Variants in PALM2AKAP2 observed in about 807,000 individuals in gnomAD.
PALM2AKAP2 encodes PALM2 and AKAP2 fusion.
PALM2AKAP2 carries 37 observed loss-of-function variants against 71.5 expected under a neutral mutation model. That is an observed-to-expected ratio of 0.52 (90% confidence interval 0.40 to 0.68). The LOEUF is 0.68. PALM2AKAP2 is among the 30% of genes least tolerant of loss of function. The pLI, the probability that PALM2AKAP2 is intolerant of heterozygous loss-of-function variation, is 0.00. For missense variants in PALM2AKAP2, 1,224 were observed against 1,191.8 expected, an observed-to-expected ratio of 1.03 and a Z score of -0.40; for synonymous variants, 468 against 478.8, an observed-to-expected ratio of 0.98 and a Z score of 0.29.
intron 1 of PALM2AKAP2, among the ~76,000 whole-genome samples, chr9:109,794,920 G>A (rs917632221): frequency 6.6e-6 from 1 of 152,208 alleles, no homozygotes; most frequent in Non-Finnish European, 1.5e-5. Flanking sequence ...CAGGGTTGTG[G>A]ACACTCACAA....
chr9:109,948,267 A>C (rs1260740739), intron 6 of PALM2AKAP2, among the ~76,000 whole-genome samples: 1 of 152,250 alleles, frequency 6.6e-6, no homozygotes, highest in Non-Finnish European at 1.5e-5. Flanking sequence ...AAGGTATAGA[A>C]TAAAGACTAC....
intron 1 of PALM2AKAP2, among the ~76,000 whole-genome samples, chr9:109,789,703 C>T (rs1234054145): frequency 1.3e-5 from 2 of 152,156 alleles, no homozygotes. Context: ...GGAAAGGTTG[C>T]TCATAAGTGC....
chr9:109,943,081 A>G (rs371960405), intron 6 of PALM2AKAP2: 280 of 1,614,148 alleles, frequency 1.7e-4, no homozygotes, highest in Non-Finnish European at 2.3e-4. Flanking sequence ...CCAAGCCCCC[A>G]GCGCTGCAGG....
chr9:110,079,269 G>A (rs1385827369), intron 1 of PALM2AKAP2, among the ~76,000 whole-genome samples: 1 of 152,102 alleles, frequency 6.6e-6, no homozygotes. Context: ...GCCGAGGTGG[G>A]TAGATCACCT....
chr9:109,768,006 T>TGGAGAAA (rs1441815974), intron 1 of PALM2AKAP2, among the ~76,000 whole-genome samples: 1 of 101,044 alleles, frequency 9.9e-6, no homozygotes, highest in Admixed American at 1.1e-4. Context: ...CAAAGGCAGG[T>TGGAGAAA]AGGTAGGAAG....
chr9:109,916,900 G>A lies in PALM2AKAP2; in HGVS notation c.258-6835G>A, dbSNP rs532923526. On this transcript the variant is annotated intron_variant, in intron 3 of 9. Transcript: ENST00000302798. ...TATAGCATCATATCCCTTGCAGTAGGTAGAATAATGGACCCCCAGAGATGT... is the reference window on the plus strand; with the variant it reads ...TATAGCATCATATCCCTTGCAGTAGATAGAATAATGGACCCCCAGAGATGT... Among the ~76,000 whole-genome samples the A allele has an allele frequency of 4.6e-5, 7 of 152,322 alleles. No homozygotes were observed. The South Asian group carries it at 1.5e-3, about 32-fold the overall frequency.
chr9:110,163,662 T>G (rs1030329990), intron 3 of PALM2AKAP2, among the ~76,000 whole-genome samples: 1 of 152,228 alleles, frequency 6.6e-6, no homozygotes, highest in African/African-American at 2.4e-5. Flanking sequence ...GCTCCTGACT[T>G]TGTTCTGTCT....
intron 3 of PALM2AKAP2, among the ~76,000 whole-genome samples, chr9:109,913,803 C>T (rs1422476042): frequency 1.4e-5 from 2 of 140,034 alleles, no homozygotes; most frequent in African/African-American, 5.4e-5. Context: ...GTTGCCCAGG[C>T]TGGAGTGCAG....
chr9:110,127,870 A>T (rs1835649056), intron 1 of PALM2AKAP2: 1 of 152,180 alleles, frequency 6.6e-6, no homozygotes, highest in South Asian at 2.1e-4. Flanking sequence ...CGTTCTTCTT[A>T]TGGGAACTGG....
chr9:110,136,582 C>G (rs754148726), exon 2 of PALM2AKAP2: 1 of 1,613,588 alleles, frequency 6.2e-7, no homozygotes, highest in Non-Finnish European at 8.5e-7. Context: ...CTCCTCACAT[C>G]GAGCTCAGTA....
At chr9:109,660,876 G>C (rs1827383002) in intron 1 of PALM2AKAP2, among the ~76,000 whole-genome samples, 1 of 152,126 alleles carries the variant, frequency 6.6e-6, no homozygotes, top group African/African-American at 2.4e-5. Flanking sequence ...GCATGAGATG[G>C]TATCTCATTG....
chr9:109,951,544 G>A (rs1175154034), intron 6 of PALM2AKAP2, among the ~76,000 whole-genome samples: 3 of 152,138 alleles, frequency 2.0e-5, no homozygotes, highest in African/African-American at 4.8e-5. Context: ...AGGCCAGACC[G>A]TGTTGGGAGC....
At chr9:109,689,504 A>T (rs1220264619) in intron 1 of PALM2AKAP2, among the ~76,000 whole-genome samples, 1 of 152,092 alleles carries the variant, frequency 6.6e-6, no homozygotes, top group Non-Finnish European at 1.5e-5. Flanking sequence ...CTGGCCAAAA[A>T]CAATACCTTC....
intron 1 of PALM2AKAP2, among the ~76,000 whole-genome samples, chr9:109,680,743 A>G (rs1172067009): frequency 6.6e-6 from 1 of 152,236 alleles, no homozygotes; most frequent in Non-Finnish European, 1.5e-5. Flanking sequence ...TTATTTTAAC[A>G]TATCTACAAA....
chr9:110,078,013 CAAA>C (rs34622810), intron 1 of PALM2AKAP2, among the ~76,000 whole-genome samples: 4 of 97,584 alleles, frequency 4.1e-5, no homozygotes, highest in Admixed American at 2.3e-4. Context: ...GACTCAGTCT[CAAA>C]AAAAAAAAAA....
At chr9:109,730,819 A>G (rs945970277) in intron 1 of PALM2AKAP2, among the ~76,000 whole-genome samples, 1 of 152,158 alleles carries the variant, frequency 6.6e-6, no homozygotes, top group Non-Finnish European at 1.5e-5. Flanking sequence ...GGCACACCAG[A>G]GCATATTCCC....
chr9:109,890,387 C>G (rs1430401882), intron 3 of PALM2AKAP2, among the ~76,000 whole-genome samples: 2 of 152,252 alleles, frequency 1.3e-5, no homozygotes, highest in Non-Finnish European at 2.9e-5. Flanking sequence ...CCTAGCTTCT[C>G]TTTCCCTCAG....
intron 6 of PALM2AKAP2, among the ~76,000 whole-genome samples, chr9:109,956,038 T>C (rs1347129895): frequency 6.6e-6 from 1 of 150,496 alleles, no homozygotes; most frequent in African/African-American, 2.4e-5. Flanking sequence ...ACAGTCTCAC[T>C]CTGTCACCCA....
chr9:109,920,373 CT>C (rs11368227), intron 3 of PALM2AKAP2, among the ~76,000 whole-genome samples: 16,206 of 141,606 alleles, frequency 0.11, 815 homozygotes, highest in East Asian at 0.17. Flanking sequence ...ATAATGTAAT[CT>C]TTTTTTTTTT....
Sources: gnomAD v4.1 joint callset for allele counts (sites outside exome capture counted in the v4.1 genomes callset) on GRCh38, gnomAD v4.1.1 for gene constraint, MANE v1.5 for transcripts, NCBI Gene and HGNC (gene_info 2026-07-23, HGNC 2026-07-21) for gene names.